The following AQP5 variants were observed in gnomAD, a reference collection of about 807,000 sequenced individuals.
AQP5 encodes aquaporin-5.
Under a neutral mutation model 19.1 loss-of-function variants are expected in AQP5, and 15 were observed. The observed-to-expected ratio is 0.79, with a 90% CI of 0.53 to 1.21. The LOEUF is 1.21. AQP5 is among the 50% of genes most tolerant of loss of function. The pLI is 0.00. For synonymous variants in AQP5, 182 were observed against 160.3 expected (o/e 1.14, Z -1.02); for missense variants, 355 against 357.1 (o/e 0.99, Z 0.05).
Position 49,962,302 on chromosome 12 carries a change from G to C in AQP5, c.285G>C (p.Leu95=), listed in dbSNP as rs771047120. ...CTTTCTTCTACGTGGCGGCCCAGCT[G>C]GTGGGCGCCATTGCCGGGGCTGGCA... ...LRAFFYVAAQ[L]VGAIAGAGIL... The change falls in exon 1 of 4, where the codon CTG becomes CTC. Residue 95 remains leucine, a synonymous_variant. Transcript: ENST00000293599. 13 of 1,607,552 alleles carry C rather than the reference G, an allele frequency of 8.1e-6. No individual in the cohort carries two copies. The Middle Eastern group carries it at 8.2e-4, about 101-fold the overall frequency.
Position 49,961,946 on chromosome 12 carries a change from ACCT to A in AQP5, c.-66_-64del. On this transcript the variant is annotated 5_prime_UTR_variant, in exon 1 of 4. Coordinates refer to ENST00000293599, the MANE Select transcript of AQP5 (RefSeq NM_001651.4). ...CCAGGCCCCCGCCCCCGCCGCATCC[ACCT>A]CCTCCGCCGCCTGCGACCCAACGGG... The A allele has an allele frequency of 9.4e-7, 1 of 1,062,180 alleles. No individual in the cohort carries two copies. The highest frequency in any genetic ancestry group is 1.2e-6 in the Non-Finnish European group (1 of 833,816). 65.8% of individuals were successfully genotyped at this position (1,062,180 alleles called of 1,614,324 possible).
Position 49,965,081 on chromosome 12 carries a change from G to A in AQP5, c.702G>A (p.Glu234=), listed in dbSNP as rs778957386. The change falls in exon 4 of 4, where the codon GAG becomes GAA. Residue 234 remains glutamate, a synonymous_variant. Coordinates refer to ENST00000293599, the MANE Select transcript of AQP5 (RefSeq NM_001651.4). ...LLFPNSLSLS[E]RVAIIKGTYE... is the part of the protein sequence containing the mutation. The stretch of plus-strand genomic sequence containing the variant: ...TCCCCAACTCCCTGAGCCTGAGTGA[G>A]CGTGTGGCCATCATCAAAGGCACGT... 11 of 1,614,100 alleles carry A rather than the reference G, an allele frequency of 6.8e-6. No homozygotes were observed. Among genetic ancestry groups the A allele is most frequent in the Non-Finnish European group, 8.5e-6 (10 of 1,180,014 alleles).
chr12:49,965,304 T>C lies in AQP5; in HGVS notation c.*127T>C. On this transcript the variant is annotated 3_prime_UTR_variant, in exon 4 of 4. Transcript: ENST00000293599. ...GCTGAGGAGGAGGAGCTGGTCACCC[T>C]GGCTGCACAGTTAGAGAGGGGAGAA... 1 of 1,180,918 alleles carries C rather than the reference T, an allele frequency of 8.5e-7. No homozygotes were observed. 73.2% of individuals were successfully genotyped at this position (1,180,918 alleles called of 1,614,324 possible). A position where few individuals can be genotyped will look rare whatever the true frequency, so the allele number is the denominator to read the frequency against.
Position 49,963,626 on chromosome 12 carries a change from C to T in AQP5, c.498C>T (p.Gly166=), listed in dbSNP as rs1565640854. Residue 166 remains glycine, a synonymous_variant, in exon 2 of 4, where the codon GGC becomes GGT. Coordinates refer to ENST00000293599, the MANE Select transcript of AQP5 (RefSeq NM_001651.4). The stretch of plus-strand genomic sequence containing the variant: ...TGGGCTCCCCAGCCCTGTCCATTGG[C>T]CTGTCTGTCACCCTGGGCCACCTTG... ...SPVGSPALSI[G]LSVTLGHLVG... The T allele has an allele frequency of 1.9e-6, 3 of 1,613,768 alleles. No homozygotes were observed. The highest frequency in any genetic ancestry group is 2.5e-6 in the Non-Finnish European group (3 of 1,180,024).
rs762593807 is a variant in AQP5, at chr12:49,963,576, A to G, written c.448A>G (p.Thr150Ala). ...GCTGGCACTCTGCATCTTCGCCTCC[A>G]CTGACTCCCGCCGCACCAGCCCTGT... Reference protein sequence around the residue: ...FQLALCIFASTDSRRTSPVGS... With the variant: ...FQLALCIFASADSRRTSPVGS... The change falls in exon 2 of 4, where the codon ACT becomes GCT. Residue 150 changes from threonine to alanine, a missense_variant. Physicochemically the swap from Thr to Ala is moderately conservative, Grantham distance 58 (BLOSUM62 0). Coordinates refer to ENST00000293599, the MANE Select transcript of AQP5 (RefSeq NM_001651.4). 8 of 1,613,614 alleles carry G rather than the reference A, an allele frequency of 5.0e-6. No homozygotes were observed. The South Asian group carries it at 6.6e-5, about 13-fold the overall frequency.
In AQP5 at chr12:49,962,042, G is replaced by GC. The variant is rs770810504; in HGVS notation, c.27dup (p.Phe10LeufsTer142). On this transcript the variant is annotated frameshift_variant, in exon 1 of 4. Coordinates refer to ENST00000293599, the MANE Select transcript of AQP5 (RefSeq NM_001651.4). LOFTEE classifies it high-confidence loss of function. The stretch of plus-strand genomic sequence containing the variant: ...CATGAAGAAGGAGGTGTGCTCCGTG[G>GC]CCTTCCTCAAGGCCGTGTTCGCAGA... The GC allele has an allele frequency of 1.3e-6, 2 of 1,594,286 alleles. No homozygotes were observed. Among genetic ancestry groups the GC allele is most frequent in the Admixed American group, 3.4e-5 (2 of 58,986 alleles).
Position 49,965,357 on chromosome 12 carries a change from G to A in AQP5, c.*180G>A, listed in dbSNP as rs139561627. The A allele has an allele frequency of 1.4e-6, 1 of 713,948 alleles. No individual in the cohort carries two copies. The highest frequency in any genetic ancestry group is 2.2e-6 in the Non-Finnish European group (1 of 451,954). The allele number at this position is 713,948 out of a possible 1,614,324, so 44.2% of individuals were successfully genotyped here. On this transcript the variant is annotated 3_prime_UTR_variant, in exon 4 of 4. Transcript: ENST00000293599. ...AACCCATGATGGGACTCCTGGGGTA[G>A]GGGCCAGGGGCTGGGGTCTGCTGGG...
Position 49,964,121 on chromosome 12 carries a change from A to G in AQP5, c.558A>G (p.Pro186=). ...GIYFTGCSMN[P]ARSFGPAVVM... is the part of the protein sequence containing the mutation. The stretch of plus-strand genomic sequence containing the variant: ...ACTTCACTGGCTGCTCCATGAACCC[A>G]GCCCGCTCTTTTGGCCCTGCGGTGG... The change falls in exon 3 of 4, where the codon CCA becomes CCG. Residue 186 remains proline, a synonymous_variant. Coordinates refer to ENST00000293599, the MANE Select transcript of AQP5 (RefSeq NM_001651.4). 6.2e-7 allele frequency: 1 copy of G among 1,614,126 alleles called. No individual in the cohort carries two copies. Among genetic ancestry groups the G allele is most frequent in the East Asian group, 2.2e-5 (1 of 44,882 alleles).
In AQP5 at chr12:49,965,055, T is replaced by C; in HGVS notation, c.676T>C (p.Phe226Leu). Residue 226 changes from phenylalanine (F) to leucine (L), a missense_variant, in exon 4 of 4, where the codon TTC becomes CTC. Transcript: ENST00000293599. The stretch of plus-strand genomic sequence containing the variant: ...TGCCATCCTTTACTTCTACCTGCTC[T>C]TCCCCAACTCCCTGAGCCTGAGTGA... ...LAAILYFYLL[F>L]PNSLSLSERV... The C allele has an allele frequency of 6.2e-7, 1 of 1,614,028 alleles. No homozygotes were observed. Among genetic ancestry groups the C allele is most frequent in the East Asian group, 2.2e-5 (1 of 44,860 alleles).
rs531125070 is a variant in AQP5, at chr12:49,964,479, C to T, written c.612+304C>T. On this transcript the variant is annotated intron_variant, in intron 3 of 3. Transcript: ENST00000293599. The stretch of plus-strand genomic sequence containing the variant: ...TCAATTCCCTTGAGGATTTGGTGTC[C>T]GTCCCCCTCGGTGTCTGCGTGCTGG... 1.3e-3 allele frequency: 360 copies of T among 274,948 alleles called. 1 individual carries two copies. Among genetic ancestry groups the T allele is most frequent in the Middle Eastern group, 1.8e-3 (1 of 556 alleles). 17.0% of individuals were successfully genotyped at this position (274,948 alleles called of 1,614,324 possible).
intron 3 of AQP5, 102 bp downstream of exon 3, chr12:49,964,277 T>TG (rs143765701): frequency 7.7e-7 from 1 of 1,293,008 alleles, no homozygotes; most frequent in South Asian, 1.2e-5. Context: ...GTCTAGAGCT[T>TG]GGGGGTGGGC....
chr12:49,962,354 G>T lies in AQP5; in HGVS notation c.337G>T (p.Ala113Ser). Residue 113 changes from alanine to serine, a missense_variant, in exon 1 of 4, where the codon GCC becomes TCC. Coordinates refer to ENST00000293599, the MANE Select transcript of AQP5 (RefSeq NM_001651.4). ...GILYGVAPLN[A>S]RGNLAVNALN... Reference sequence around the variant, plus strand: ...CCTCTACGGTGTGGCACCGCTCAATGCCCGGGGCAATCTGGCCGTCAACGC... The same window carrying T: ...CCTCTACGGTGTGGCACCGCTCAATTCCCGGGGCAATCTGGCCGTCAACGC... The T allele has an allele frequency of 6.3e-7, 1 of 1,597,830 alleles. No individual in the cohort carries two copies.
chr12:49,962,392 G>GT lies in AQP5; in HGVS notation c.363+12_363+13insT, dbSNP rs1491414458. 6 of 3,496 alleles carry GT rather than the reference G, an allele frequency of 1.7e-3. No individual in the cohort carries two copies. The highest frequency in any genetic ancestry group is 0.017 in the East Asian group (6 of 350). The allele number at this position is 3,496 out of a possible 1,614,324, so 0.2% of individuals were successfully genotyped here. On this transcript the variant is annotated intron_variant, in intron 1 of 3. Transcript: ENST00000293599. ...TGGCCGTCAACGCGGTGAGTGCCCT[G>GT]GGGGGGGGGTGGGAGCCTCGACCCT...
intron 3 of AQP5, chr12:49,964,672 C>G: frequency 1.4e-5 from 14 of 985,284 alleles, no homozygotes; most frequent in Non-Finnish European, 1.6e-5. Flanking sequence ...TCTGTTCATC[C>G]GTCTCTCTGA....
In AQP5 at chr12:49,965,059, C is replaced by T. The variant is rs763741727; in HGVS notation, c.680C>T (p.Pro227Leu). 1 of 1,614,062 alleles carries T rather than the reference C, an allele frequency of 6.2e-7. No homozygotes were observed. Among genetic ancestry groups the T allele is most frequent in the Non-Finnish European group, 8.5e-7 (1 of 1,180,002 alleles). ...AAILYFYLLF[P>L]NSLSLSERVA... The stretch of plus-strand genomic sequence containing the variant: ...ATCCTTTACTTCTACCTGCTCTTCC[C>T]CAACTCCCTGAGCCTGAGTGAGCGT... The change falls in exon 4 of 4, where the codon CCC becomes CTC. Residue 227 changes from proline to leucine, a missense_variant. By Grantham distance (98) the Pro-to-Leu change is moderately conservative. Coordinates refer to ENST00000293599, the MANE Select transcript of AQP5 (RefSeq NM_001651.4).
In AQP5 at chr12:49,964,111, C is replaced by T. The variant is rs1363775663; in HGVS notation, c.548C>T (p.Ser183Phe). ...ATCCAGATCTACTTCACTGGCTGCTCCATGAACCCAGCCCGCTCTTTTGGC... is the reference window on the plus strand; with the variant it reads ...ATCCAGATCTACTTCACTGGCTGCTTCATGAACCCAGCCCGCTCTTTTGGC... ...HLVGIYFTGC[S>F]MNPARSFGPA... Residue 183 changes from serine to phenylalanine, a missense_variant, in exon 3 of 4, where the codon TCC becomes TTC. Transcript: ENST00000293599. The T allele has an allele frequency of 6.2e-7, 1 of 1,614,148 alleles. No homozygotes were observed. Among genetic ancestry groups the T allele is most frequent in the Non-Finnish European group, 8.5e-7 (1 of 1,179,994 alleles).
intron 2 of AQP5, 197 bp downstream of exon 2, chr12:49,963,853 G>GT: frequency 1.2e-6 from 1 of 863,874 alleles, no homozygotes. Flanking sequence ...AAAGATGGGA[G>GT]TAAGTAGGAG....
At position 49,962,073 on chromosome 12, in the gene AQP5, T is replaced by C. The variant is rs762076378; in HGVS notation, c.56T>C (p.Leu19Ser). Reference protein sequence around the residue: ...AFLKAVFAEFLATLIFVFFGL... With the variant: ...AFLKAVFAEFSATLIFVFFGL... ...CTCAAGGCCGTGTTCGCAGAGTTCT[T>C]GGCCACCCTCATCTTCGTCTTCTTT... is the stretch of plus-strand genomic sequence containing the variant. The change falls in exon 1 of 4, where the codon TTG becomes TCG. Residue 19 changes from leucine (L) to serine (S), a missense_variant. By Grantham distance (145) the Leu-to-Ser change is moderately radical. Transcript: ENST00000293599. 2.5e-6 allele frequency: 4 copies of C among 1,612,478 alleles called. No homozygotes were observed. The South Asian group carries it at 4.4e-5, about 18-fold the overall frequency.
Position 49,961,978 on chromosome 12 carries a change from C to G in AQP5, c.-40C>G. On this transcript the variant is annotated 5_prime_UTR_variant, in exon 1 of 4. Transcript: ENST00000293599. The stretch of plus-strand genomic sequence containing the variant: ...CCGCCGCCTGCGACCCAACGGGCGC[C>G]CCCCGCCGCGGCAGCTGCCGCCGGG... 1 of 1,310,690 alleles carries G rather than the reference C, an allele frequency of 7.6e-7. No individual in the cohort carries two copies. The highest frequency in any genetic ancestry group is 3.0e-5 in the East Asian group (1 of 33,364). 81.2% of individuals were successfully genotyped at this position (1,310,690 alleles called of 1,614,324 possible).
Sources: allele counts gnomAD v4.1 joint callset, GRCh38; gene constraint gnomAD v4.1.1; transcripts MANE v1.5; gene names NCBI Gene and HGNC (gene_info 2026-07-23, HGNC 2026-07-21).